The following RGS17 variants were observed in gnomAD, a reference collection of about 807,000 sequenced individuals.
RGS17 encodes the protein regulator of G protein signaling 17, also known as regulator of G-protein signaling 17.
RGS17 carries 12 observed loss-of-function variants against 25.5 expected under a neutral mutation model. That is an observed-to-expected ratio of 0.47 (90% CI 0.30 to 0.76). The LOEUF is 0.76. Among genes scored for constraint, RGS17 ranks in the 30% least tolerant of loss-of-function variants. The pLI, the probability that RGS17 is intolerant of heterozygous loss-of-function variation, is 0.07. For synonymous variants in RGS17, 71 were observed against 76.9 expected, an observed-to-expected ratio of 0.92 and a Z score of 0.40; for missense variants, 196 against 242.2, an observed-to-expected ratio of 0.81 and a Z score of 1.27.
chr6:153,023,386 G>A (rs1779265883), intron 4 of RGS17: 1 of 510,066 alleles, frequency 2.0e-6, no homozygotes, highest in South Asian at 1.4e-5. Context: ...AGACATTCTA[G>A]GAACCTCTAT....
Position 153,007,581 on chromosome 6 carries a change from ATATTAT to A in RGS17, c.*3987_*3992del, listed in dbSNP as rs982986053. 1 of 151,798 alleles carries A rather than the reference ATATTAT, an allele frequency of 6.6e-6. No individual in the cohort carries two copies. Among genetic ancestry groups the A allele is most frequent in the Non-Finnish European group, 1.5e-5 (1 of 67,932 alleles). 9.4% of individuals were successfully genotyped at this position (151,798 alleles called of 1,614,324 possible). On this transcript the variant is annotated 3_prime_UTR_variant, in exon 5 of 5. Transcript: ENST00000206262. ...GGCATTTTCTGTCTAAGACTTAAAA[ATATTAT>A]TATTATAATTATTATTATTATTTTG...
intron 1 of RGS17, among the ~76,000 whole-genome samples, chr6:153,117,434 G>T (rs1777561717): frequency 1.3e-5 from 2 of 152,140 alleles, no homozygotes; most frequent in Non-Finnish European, 2.9e-5. Flanking sequence ...GGGACACAAA[G>T]CCTAACCATA....
At chr6:153,082,035 A>G (rs927191632) in intron 1 of RGS17, among the ~76,000 whole-genome samples, 4 of 152,194 alleles carry the variant, frequency 2.6e-5, no homozygotes, top group African/African-American at 4.8e-5. Context: ...TGTTTCTTTC[A>G]GCACTTTAAA....
intron 1 of RGS17, among the ~76,000 whole-genome samples, chr6:153,080,678 G>A (rs1017522554): frequency 2.3e-4 from 35 of 151,704 alleles, no homozygotes; most frequent in African/African-American, 8.0e-4. Context: ...TTATTTTTTT[G>A]AAATTGTAGG....
rs377318208 is a variant in RGS17 at position 153,115,412 on chromosome 6, C to T, written c.-26+15712G>A. The stretch of plus-strand genomic sequence containing the variant: ...CCTCTTCAAGAACTACAAACCACTG[C>T]TCAAGGAAATAAGAGAGGACACAAA... On this transcript the variant is annotated intron_variant, in intron 1 of 4. Transcript: ENST00000206262. Among the ~76,000 whole-genome samples the T allele has an allele frequency of 4.4e-4, 67 of 152,256 alleles. 3 individuals are homozygous for T. The highest frequency in any genetic ancestry group is 1.6e-3 in the African/African-American group (67 of 41,546).
chr6:153,036,366 T>C (rs1162941299), intron 2 of RGS17, among the ~76,000 whole-genome samples: 1 of 152,146 alleles, frequency 6.6e-6, no homozygotes, highest in Non-Finnish European at 1.5e-5. Context: ...TTGCTGCGTT[T>C]TGCATGTCAT....
intron 2 of RGS17, among the ~76,000 whole-genome samples, chr6:153,040,995 T>A (rs1188298391): frequency 6.6e-5 from 8 of 122,120 alleles, no homozygotes; most frequent in Admixed American, 8.7e-5. Flanking sequence ...CTGACTCCAC[T>A]AAAAAAAAAA....
chr6:153,099,129 C>T (rs1305175758), intron 1 of RGS17, among the ~76,000 whole-genome samples: 2 of 152,074 alleles, frequency 1.3e-5, no homozygotes, highest in Admixed American at 1.3e-4. Context: ...AAAATGAACA[C>T]ACCAGTAAGA....
rs184975085 is a variant in RGS17, at chr6:153,017,187, C to T, written c.445-5425G>A. Among the ~76,000 whole-genome samples the T allele has an allele frequency of 1.2e-4, 18 of 152,086 alleles. No individual in the cohort carries two copies. The East Asian group carries it at 2.7e-3, about 23-fold the overall frequency. ...CACAAGACAGCATGATAGGTTTGAC[C>T]GCATTTAACTGGCAGTTTTAGCAGT... On this transcript the variant is annotated intron_variant, in intron 4 of 4. Transcript: ENST00000206262.
At chr6:153,033,572 G>T (rs1475591595) in intron 2 of RGS17, among the ~76,000 whole-genome samples, 2 of 152,014 alleles carry the variant, frequency 1.3e-5, no homozygotes, top group African/African-American at 4.8e-5. Context: ...CAAAAAATTA[G>T]TCAGGCATAG....
intron 1 of RGS17, among the ~76,000 whole-genome samples, chr6:153,114,920 G>T (rs1441294608): frequency 6.6e-6 from 1 of 152,086 alleles, no homozygotes. Context: ...GGTATTGATG[G>T]AACGTATCTC....
intron 1 of RGS17, among the ~76,000 whole-genome samples, chr6:153,090,761 T>C (rs961155103): frequency 6.6e-6 from 1 of 152,212 alleles, no homozygotes; most frequent in Non-Finnish European, 1.5e-5. Flanking sequence ...AGCGTGTCCA[T>C]GCTGTATATG....
rs368582274 is a variant in RGS17 at position 153,106,252 on chromosome 6, A to C, written c.-26+24872T>G. Among the ~76,000 whole-genome samples the C allele has an allele frequency of 3.7e-4, 56 of 152,068 alleles. No homozygotes were observed. In the South Asian group the frequency reaches 0.011, roughly 30 times the overall value. On this transcript the variant is annotated intron_variant, in intron 1 of 4. Coordinates refer to ENST00000206262, the MANE Select transcript of RGS17 (RefSeq NM_012419.5). ...ATGCAGGCAGTTTCAATGGAAGCGG[A>C]CGTCACTATGAGGTGGCCAGGCAAG... is the stretch of plus-strand genomic sequence containing the variant.
intron 1 of RGS17, among the ~76,000 whole-genome samples, chr6:153,058,661 A>G (rs1776596691): frequency 6.6e-6 from 1 of 152,218 alleles, no homozygotes; most frequent in Non-Finnish European, 1.5e-5. Context: ...GTGGACAAGG[A>G]AGCAATTCAC....
chr6:153,092,652 C>G (rs1332912203), intron 1 of RGS17, among the ~76,000 whole-genome samples: 1 of 152,170 alleles, frequency 6.6e-6, no homozygotes, highest in African/African-American at 2.4e-5. Context: ...CTCTCAGCTA[C>G]AGAGTCAAAT....
chr6:153,095,778 G>A (rs991792441), intron 1 of RGS17, among the ~76,000 whole-genome samples: 5 of 152,144 alleles, frequency 3.3e-5, no homozygotes, highest in African/African-American at 1.2e-4. Context: ...ATTCTTTAGG[G>A]TCTATAATAT....
intron 1 of RGS17, among the ~76,000 whole-genome samples, chr6:153,123,492 G>T (rs73785762): frequency 2.0e-5 from 3 of 152,076 alleles, no homozygotes; most frequent in Non-Finnish European, 4.4e-5. Flanking sequence ...TCTTCACTCT[G>T]ATCTTATAAA....
chr6:153,051,322 G>A (rs929213724), intron 1 of RGS17, among the ~76,000 whole-genome samples: 2 of 152,166 alleles, frequency 1.3e-5, no homozygotes, highest in African/African-American at 2.4e-5. Flanking sequence ...GATTTGGTTA[G>A]GGCTCAGAAA....
chr6:153,046,752 T>C (rs566342215), intron 1 of RGS17, among the ~76,000 whole-genome samples: 1 of 152,010 alleles, frequency 6.6e-6, no homozygotes, highest in Non-Finnish European at 1.5e-5. Context: ...AAGGCCCCAA[T>C]ATATACCCAA....
Sources: gnomAD v4.1 joint callset for allele counts (sites outside exome capture counted in the v4.1 genomes callset) on GRCh38, gnomAD v4.1.1 for gene constraint, MANE v1.5 for transcripts, NCBI Gene and HGNC (gene_info 2026-07-23, HGNC 2026-07-21) for gene names.